The following UNC5D variants were observed in gnomAD, a reference collection of about 807,000 sequenced individuals.
The protein encoded by UNC5D is netrin receptor UNC5D.
Under a neutral mutation model 105.4 loss-of-function variants are expected in UNC5D, and 39 were observed. The ratio of observed to expected loss-of-function variants is 0.37; its 90% CI spans 0.29 to 0.48. UNC5D has a LOEUF of 0.48. Ranked by LOEUF, UNC5D falls within the 20% of genes least tolerant of loss-of-function variation. UNC5D has a pLI of 0.98. For missense variants in UNC5D, 991 were observed against 1,202.4 expected (o/e 0.82, Z 2.60); for synonymous variants, 452 against 450.4 (o/e 1.00, Z -0.04).
chr8:35,790,246 C>T, intron 16 of UNC5D, 113 bp from the exon 17 acceptor site: 4 of 1,152,782 alleles, frequency 3.5e-6, no homozygotes, highest in Non-Finnish European at 5.0e-6. Flanking sequence ...CTTTTTATCC[C>T]TACTATAATA....
At chr8:35,426,721 G>C (rs1806272281) in intron 1 of UNC5D, among the ~76,000 whole-genome samples, 2 of 152,234 alleles carry the variant, frequency 1.3e-5, no homozygotes, top group East Asian at 3.9e-4. Flanking sequence ...GCACCCACAT[G>C]CCCCTTTTCA....
intron 4 of UNC5D, among the ~76,000 whole-genome samples, chr8:35,649,573 A>G (rs1407577360): frequency 6.6e-6 from 1 of 152,210 alleles, no homozygotes; most frequent in African/African-American, 2.4e-5. Flanking sequence ...AACACTATGA[A>G]GATGGAAACA....
At chr8:35,775,681 A>G (rs575849587) in intron 16 of UNC5D, among the ~76,000 whole-genome samples, 1 of 138,508 alleles carries the variant, frequency 7.2e-6, no homozygotes, top group Admixed American at 7.1e-5. Flanking sequence ...TTTGTTCTTT[A>G]TTTTCACAGA....
chr8:35,471,093 A>G (rs894406002), intron 1 of UNC5D, among the ~76,000 whole-genome samples: 1 of 152,038 alleles, frequency 6.6e-6, no homozygotes, highest in Non-Finnish European at 1.5e-5. Flanking sequence ...TTCCTCCATC[A>G]CTGCTGTCTG....
At chr8:35,462,341 G>A (rs905396939) in intron 1 of UNC5D, among the ~76,000 whole-genome samples, 21 of 151,818 alleles carry the variant, frequency 1.4e-4, no homozygotes, top group African/African-American at 3.4e-4. Flanking sequence ...ACTTACCCAC[G>A]TGCTTAAATA....
intron 11 of UNC5D, among the ~76,000 whole-genome samples, chr8:35,745,396 T>C (rs1313377607): frequency 6.6e-6 from 1 of 152,092 alleles, no homozygotes; most frequent in Non-Finnish European, 1.5e-5. Context: ...GCATTTTTAG[T>C]AGGATGACTG....
At chr8:35,362,931 C>G (rs1343159103) in intron 1 of UNC5D, among the ~76,000 whole-genome samples, 1 of 152,016 alleles carries the variant, frequency 6.6e-6, no homozygotes, top group Non-Finnish European at 1.5e-5. Flanking sequence ...TTTACCAACC[C>G]ATAAATCCAC....
chr8:35,503,500 T>A (rs985480072), intron 1 of UNC5D, among the ~76,000 whole-genome samples: 2 of 152,168 alleles, frequency 1.3e-5, no homozygotes, highest in African/African-American at 2.4e-5. Flanking sequence ...GTGGGAATTA[T>A]GGGAGTTACA....
rs72634929 is a variant in UNC5D at position 35,484,404 on chromosome 8, A to G, written c.104-64888A>G. On this transcript the variant is annotated intron_variant, in intron 1 of 16. Transcript: ENST00000404895. Reference sequence around the variant, plus strand: ...GCTCACCCCACACCAATCTATCAGCATGTCTTATTATCCTCTAATATATCC... The same window carrying G: ...GCTCACCCCACACCAATCTATCAGCGTGTCTTATTATCCTCTAATATATCC... 1.1e-4 allele frequency among the ~76,000 whole-genome samples: 16 copies of G among 152,224 alleles called. 1 individual carries two copies. In the South Asian group the frequency reaches 3.3e-3, roughly 32 times the overall value.
intron 4 of UNC5D, among the ~76,000 whole-genome samples, chr8:35,679,568 A>G (rs1825512975): frequency 6.6e-6 from 1 of 152,200 alleles, no homozygotes; most frequent in Non-Finnish European, 1.5e-5. Flanking sequence ...AGAGGGTGCT[A>G]GAACCCCCAT....
chr8:35,291,726 T>A (rs985520937), intron 1 of UNC5D, among the ~76,000 whole-genome samples: 5 of 152,238 alleles, frequency 3.3e-5, no homozygotes, highest in Non-Finnish European at 5.9e-5. Context: ...ATTCCATTTA[T>A]TCTGTTCCAT....
chr8:35,497,669 G>A (rs1418145152), intron 1 of UNC5D, among the ~76,000 whole-genome samples: 1 of 152,000 alleles, frequency 6.6e-6, no homozygotes, highest in Non-Finnish European at 1.5e-5. Context: ...AAAAAAGACG[G>A]GGGAATAATT....
intron 1 of UNC5D, among the ~76,000 whole-genome samples, chr8:35,338,405 G>T (rs1445024131): frequency 6.6e-6 from 1 of 151,896 alleles, no homozygotes; most frequent in Non-Finnish European, 1.5e-5. Flanking sequence ...TTTCTGGGGT[G>T]TGTGTGTGTG....
intron 3 of UNC5D, among the ~76,000 whole-genome samples, chr8:35,569,497 C>T (rs750620584): frequency 5.7e-4 from 87 of 152,330 alleles, no homozygotes; most frequent in Admixed American, 2.2e-3. Flanking sequence ...TCTCAAAACA[C>T]ACATGTCACC....
chr8:35,261,626 G>A (rs1031715950), intron 1 of UNC5D, among the ~76,000 whole-genome samples: 16 of 149,892 alleles, frequency 1.1e-4, no homozygotes, highest in Non-Finnish European at 1.6e-4. Flanking sequence ...AATGATTTGT[G>A]TGTGTAGGGG....
rs1803236434 is a variant in UNC5D, at chr8:35,795,961, A to T, written c.*5398A>T. 6.6e-6 allele frequency: 1 copy of T among 152,216 alleles called. No individual in the cohort carries two copies. Among genetic ancestry groups the T allele is most frequent in the African/African-American group, 2.4e-5 (1 of 41,470 alleles). 9.4% of individuals were successfully genotyped at this position (152,216 alleles called of 1,614,324 possible). A position where few individuals can be genotyped will look rare whatever the true frequency, so the allele number is the denominator to read the frequency against. ...TGACCCAAACTCAAAAAATATGAGT[A>T]CTTGCGTACCTCCATTTCTGCATGA... On this transcript the variant is annotated 3_prime_UTR_variant, in exon 17 of 17. Transcript: ENST00000404895.
At chr8:35,638,573 A>G (rs1822523289) in intron 4 of UNC5D, among the ~76,000 whole-genome samples, 1 of 151,988 alleles carries the variant, frequency 6.6e-6, no homozygotes, top group Non-Finnish European at 1.5e-5. Flanking sequence ...GGAGGGAGGA[A>G]TGCTTGAGGC....
At chr8:35,782,604 A>C (rs1802554174) in intron 16 of UNC5D, among the ~76,000 whole-genome samples, 1 of 151,754 alleles carries the variant, frequency 6.6e-6, no homozygotes, top group Non-Finnish European at 1.5e-5. Flanking sequence ...CCTGGGTTCA[A>C]GCAATTCTCC....
chr8:35,620,276 G>A (rs370651903), intron 4 of UNC5D, among the ~76,000 whole-genome samples: 3 of 152,280 alleles, frequency 2.0e-5, no homozygotes, highest in Admixed American at 2.0e-4. Flanking sequence ...AGGAAACTCC[G>A]GCTTCTCGGG....
Sources: gnomAD v4.1 joint callset for allele counts (sites outside exome capture counted in the v4.1 genomes callset) on GRCh38, gnomAD v4.1.1 for gene constraint, MANE v1.5 for transcripts, NCBI Gene and HGNC (gene_info 2026-07-23, HGNC 2026-07-21) for gene names.